Variants in TTYH2 observed in about 807,000 individuals in gnomAD.
TTYH2 encodes tweety family member 2.
TTYH2 carries 49 observed loss-of-function variants against 68.3 expected under a neutral mutation model. The ratio of observed to expected loss-of-function variants is 0.72; its 90% confidence interval spans 0.57 to 0.91. The LOEUF (loss-of-function observed/expected upper bound fraction) is 0.91. Ranked by LOEUF, TTYH2 falls within the 40% of genes least tolerant of loss-of-function variation. TTYH2 has a pLI of 0.00. For synonymous variants in TTYH2, 272 were observed against 300.8 expected, an observed-to-expected ratio of 0.90 and a Z score of 0.99; for missense variants, 631 against 700.4, an observed-to-expected ratio of 0.90 and a Z score of 1.12.
At chr17:74,246,795 A>G (rs1256687910) in intron 6 of TTYH2, among the ~76,000 whole-genome samples, 1 of 152,180 alleles carries the variant, frequency 6.6e-6, no homozygotes, top group Admixed American at 6.5e-5. Context: ...AAGCCCCACA[A>G]TCATGGTGGA....
intron 3 of TTYH2, among the ~76,000 whole-genome samples, chr17:74,236,468 G>T (rs2050443986): frequency 6.6e-6 from 1 of 152,216 alleles, no homozygotes; most frequent in Admixed American, 6.5e-5. Context: ...AAGAATAATG[G>T]ATTATTTTGT....
intron 11 of TTYH2, 39 bp downstream of exon 11, chr17:74,252,415 G>A (rs1434515701): frequency 1.9e-6 from 3 of 1,601,502 alleles, no homozygotes; most frequent in East Asian, 2.2e-5. Context: ...CCCACAGCCT[G>A]GAGTTCTGGG....
chr17:74,234,564 C>CA (rs894153827), intron 3 of TTYH2, among the ~76,000 whole-genome samples: 2 of 152,018 alleles, frequency 1.3e-5, no homozygotes, highest in Non-Finnish European at 2.9e-5. Context: ...GACCCCATCT[C>CA]AAAAAAACAA....
In TTYH2 at chr17:74,250,368, A is replaced by T. The variant is rs951515995; in HGVS notation, c.1116+11A>T. ...CGAGGGCTGCACAAGGTGCATGGGG[A>T]CCCTGGGGTCACGTGGAGAGTGTGA... On this transcript the variant is annotated intron_variant, in intron 10 of 13. Transcript: ENST00000269346. 1 of 1,610,020 alleles carries T rather than the reference A, an allele frequency of 6.2e-7. No individual in the cohort carries two copies. Among genetic ancestry groups the T allele is most frequent in the Non-Finnish European group, 8.5e-7 (1 of 1,177,440 alleles).
chr17:74,231,061 C>G lies in TTYH2; in HGVS notation c.414+62C>G, dbSNP rs527787916. Reference sequence around the variant, plus strand: ...GCCCACAAGGTCAGCGTGGTCAGAGCAAGGGCCCCCGTCAGATCCCAGCTA... The same window carrying G: ...GCCCACAAGGTCAGCGTGGTCAGAGGAAGGGCCCCCGTCAGATCCCAGCTA... On this transcript the variant is annotated intron_variant, in intron 3 of 13. Transcript: ENST00000269346. 8.5e-4 allele frequency: 1,263 copies of G among 1,482,934 alleles called. 12 individuals are homozygous for G. In the African/African-American group the frequency reaches 0.015, roughly 18 times the overall value. 91.9% of individuals were successfully genotyped at this position (1,482,934 alleles called of 1,614,324 possible).
intron 13 of TTYH2, among the ~76,000 whole-genome samples, chr17:74,256,175 C>T (rs1286777158): frequency 6.6e-6 from 1 of 152,162 alleles, no homozygotes; most frequent in Non-Finnish European, 1.5e-5. Flanking sequence ...TGCTGCTGCT[C>T]TAGGGGATTC....
At chr17:74,230,397 C>T (rs539869404) in intron 2 of TTYH2, among the ~76,000 whole-genome samples, 1 of 152,056 alleles carries the variant, frequency 6.6e-6, no homozygotes, top group South Asian at 2.1e-4. Context: ...ACCCAGCCAA[C>T]ACATGTCATT....
intron 13 of TTYH2, among the ~76,000 whole-genome samples, chr17:74,255,343 G>A (rs1567822627): frequency 6.6e-6 from 1 of 152,216 alleles, no homozygotes; most frequent in Non-Finnish European, 1.5e-5. Flanking sequence ...CAGAGCGTAC[G>A]TGCGAAGCAT....
intron 13 of TTYH2, among the ~76,000 whole-genome samples, chr17:74,255,272 G>A (rs2050681785): frequency 1.3e-5 from 2 of 152,144 alleles, no homozygotes; most frequent in African/African-American, 4.8e-5. Flanking sequence ...TATAGAATGA[G>A]TATGGGAATA....
intron 13 of TTYH2, chr17:74,257,060 T>G (rs1436302750): frequency 2.6e-5 from 4 of 152,190 alleles, no homozygotes; most frequent in African/African-American, 9.7e-5. Context: ...CAGATTGACT[T>G]TAATATTAAT....
chr17:74,226,874 C>T (rs187240369), intron 2 of TTYH2, among the ~76,000 whole-genome samples: 2 of 152,218 alleles, frequency 1.3e-5, no homozygotes. Flanking sequence ...TCCTATGGCC[C>T]AGGTGGGATC....
rs770520453 is a variant in TTYH2, at chr17:74,250,398, A to AGG, written c.1116+41_1116+42insGG. On this transcript the variant is annotated intron_variant, in intron 10 of 13. Coordinates refer to ENST00000269346, the MANE Select transcript of TTYH2 (RefSeq NM_032646.6). ...GGGGTCACGTGGAGAGTGTGAGGGC[A>AGG]CCCAGCAGGCCACACCTTCCAGAGA... The AGG allele has an allele frequency of 2.2e-5, 34 of 1,541,504 alleles. No individual in the cohort carries two copies. In the Middle Eastern group the frequency reaches 1.7e-3, roughly 77 times the overall value.
At chr17:74,238,992 T>G (rs1432534563) in intron 4 of TTYH2, among the ~76,000 whole-genome samples, 3 of 152,166 alleles carry the variant, frequency 2.0e-5, no homozygotes, top group African/African-American at 7.2e-5. Context: ...ATTACAGACA[T>G]GAGCCACCAT....
intron 4 of TTYH2, among the ~76,000 whole-genome samples, chr17:74,237,853 G>A (rs377404628): frequency 1.1e-4 from 16 of 152,146 alleles, no homozygotes; most frequent in South Asian, 8.3e-4. Context: ...CTAGTCTCTC[G>A]AGCTCCTGGC....
At chr17:74,259,217 T>C (rs935804628) in intron 13 of TTYH2, among the ~76,000 whole-genome samples, 1 of 149,166 alleles carries the variant, frequency 6.7e-6, no homozygotes, top group Non-Finnish European at 1.5e-5. Flanking sequence ...GTGGTCTTTG[T>C]TTTTTTTTAA....
rs1426897064 is a variant in TTYH2 at position 74,222,684 on chromosome 17, G to C, written c.302+27G>C. The stretch of plus-strand genomic sequence containing the variant: ...TGAGTGTCCCTGGACGCTGGGCTTG[G>C]GGTGTGTGACTCAGTCTGCAAGGGG... On this transcript the variant is annotated intron_variant, in intron 2 of 13. Coordinates refer to ENST00000269346, the MANE Select transcript of TTYH2 (RefSeq NM_032646.6). The surrounding 1 kb of genome is among the most constrained non-coding windows in gnomAD (Gnocchi z 5.2). 1 of 1,590,212 alleles carries C rather than the reference G, an allele frequency of 6.3e-7. No individual in the cohort carries two copies. Among genetic ancestry groups the C allele is most frequent in the South Asian group, 1.1e-5 (1 of 89,228 alleles).
At chr17:74,224,346 C>T (rs1346197355) in intron 2 of TTYH2, among the ~76,000 whole-genome samples, 2 of 152,108 alleles carry the variant, frequency 1.3e-5, no homozygotes, top group Admixed American at 1.3e-4. Flanking sequence ...ATGATCGCTC[C>T]ATCGCACTCT....
chr17:74,233,247 T>A (rs1385379415), intron 3 of TTYH2, among the ~76,000 whole-genome samples: 2 of 152,162 alleles, frequency 1.3e-5, no homozygotes, highest in Non-Finnish European at 2.9e-5. Context: ...GGGTCCTTAC[T>A]AGGACCTGTG....
chr17:74,235,462 TG>T (rs2050433419), intron 3 of TTYH2, among the ~76,000 whole-genome samples: 1 of 152,232 alleles, frequency 6.6e-6, no homozygotes, highest in Non-Finnish European at 1.5e-5. Flanking sequence ...AGGGCGTGCT[TG>T]GGGCTGCCAA....
Sources: gnomAD v4.1 joint callset for allele counts (sites outside exome capture counted in the v4.1 genomes callset) on GRCh38, gnomAD v4.1.1 for gene constraint, Gnocchi (gnomAD v3.1) non-coding constraint, MANE v1.5 for transcripts, NCBI Gene and HGNC (gene_info 2026-07-23, HGNC 2026-07-21) for gene names.